The following AGPAT4 variants were observed in gnomAD, a reference collection of about 807,000 sequenced individuals.
The protein encoded by AGPAT4 is 1-acylglycerol-3-phosphate O-acyltransferase 4, also known as 1-acyl-sn-glycerol-3-phosphate acyltransferase delta.
AGPAT4 carries 15 observed loss-of-function variants against 48.0 expected under a neutral mutation model. The observed-to-expected ratio is 0.31, with a 90% CI of 0.21 to 0.48. AGPAT4 has a LOEUF of 0.48. AGPAT4 is among the 20% of genes least tolerant of loss of function. The pLI is 0.99. For missense variants in AGPAT4, 314 were observed against 482.5 expected (o/e 0.65, Z 3.27); for synonymous variants, 178 against 198.7 (o/e 0.90, Z 0.88).
At chr6:161,174,582 T>G (rs1289040873) in intron 2 of AGPAT4, among the ~76,000 whole-genome samples, 4 of 152,216 alleles carry the variant, frequency 2.6e-5, no homozygotes, top group Admixed American at 6.5e-5. Flanking sequence ...TACAATCATG[T>G]CATCTGCAAA....
rs114496438 is a variant in AGPAT4, at chr6:161,139,933, C to T, written c.844-313G>A. 8.1e-3 allele frequency among the ~76,000 whole-genome samples: 1,234 copies of T among 152,346 alleles called. 14 individuals carry two copies. The highest frequency in any genetic ancestry group is 0.028 in the African/African-American group (1,171 of 41,588). ...AGGATCCACCCTCTGTGGGCAGGCACCTGCATCCCTGAGCCCAGGCCCCAG... is the reference window on the plus strand; with the variant it reads ...AGGATCCACCCTCTGTGGGCAGGCATCTGCATCCCTGAGCCCAGGCCCCAG... On this transcript the variant is annotated intron_variant, in intron 7 of 8. Transcript: ENST00000320285. This position sits in a 1 kb window ranked among gnomAD's most constrained non-coding sequence, Gnocchi z 9.1.
chr6:161,148,189 T>C lies in AGPAT4; in HGVS notation c.767+998A>G, dbSNP rs972439495. On this transcript the variant is annotated intron_variant, in intron 6 of 8. Transcript: ENST00000320285. This position sits in a 1 kb window ranked among gnomAD's most constrained non-coding sequence, Gnocchi z 5.5. The stretch of plus-strand genomic sequence containing the variant: ...CCTAGGAGAAGGTCTAAAGGTCTCC[T>C]TCGGGCAGGTGGGTGATTCTCCTGC... Among the ~76,000 whole-genome samples, 3 of 152,216 alleles carry C rather than the reference T, an allele frequency of 2.0e-5. No homozygotes were observed. Among genetic ancestry groups the C allele is most frequent in the South Asian group, 4.1e-4 (2 of 4,826 alleles).
chr6:161,250,108 ACG>A (rs746196849), intron 1 of AGPAT4, among the ~76,000 whole-genome samples: 12,349 of 152,206 alleles, frequency 0.081, 1,658 homozygotes, highest in African/African-American at 0.28. Flanking sequence ...ACCAAACACC[ACG>A]TGTTTTCACT....
chr6:161,206,902 G>A lies in AGPAT4; in HGVS notation c.178+25134C>T, dbSNP rs1781392643. ...AGACACTCAATGGATGAGCTCAGCA[G>A]AAGAGTGAAGGAGGCAGAGGAAAGA... On this transcript the variant is annotated intron_variant, in intron 2 of 8. Coordinates refer to ENST00000320285, the MANE Select transcript of AGPAT4 (RefSeq NM_020133.3). This position sits in a 1 kb window ranked among gnomAD's most constrained non-coding sequence, Gnocchi z 4.8. Among the ~76,000 whole-genome samples the A allele has an allele frequency of 1.3e-5, 2 of 152,218 alleles. 1 individual carries two copies. The highest frequency in any genetic ancestry group is 4.1e-4 in the South Asian group (2 of 4,834).
intron 1 of AGPAT4, among the ~76,000 whole-genome samples, chr6:161,250,159 T>C (rs1582909113): frequency 1.3e-5 from 2 of 152,048 alleles, no homozygotes; most frequent in East Asian, 1.9e-4. Flanking sequence ...CATGGACACA[T>C]TGAGGGGAAC....
At position 161,201,892 on chromosome 6, in the gene AGPAT4, G is replaced by A. The variant is rs1012262724; in HGVS notation, c.178+30144C>T. Among the ~76,000 whole-genome samples, 3 of 152,134 alleles carry A rather than the reference G, an allele frequency of 2.0e-5. No homozygotes were observed. Among genetic ancestry groups the A allele is most frequent in the South Asian group, 2.1e-4 (1 of 4,824 alleles). On this transcript the variant is annotated intron_variant, in intron 2 of 8. Coordinates refer to ENST00000320285, the MANE Select transcript of AGPAT4 (RefSeq NM_020133.3). This position sits in a 1 kb window ranked among gnomAD's most constrained non-coding sequence, Gnocchi z 6.0. The stretch of plus-strand genomic sequence containing the variant: ...TTCTTTTCCCATTTCCAGTGTTCTT[G>A]GATATGCCAATGTTCACATTAGATG...
intron 2 of AGPAT4, among the ~76,000 whole-genome samples, chr6:161,172,735 C>T (rs1780302160): frequency 6.6e-6 from 1 of 152,086 alleles, no homozygotes; most frequent in Admixed American, 6.6e-5. Context: ...TGTTGGTGTG[C>T]TGCACCCATC....
In AGPAT4 at chr6:161,147,298, T is replaced by G. The variant is rs1779459413; in HGVS notation, c.768-699A>C. Among the ~76,000 whole-genome samples, 1 of 152,108 alleles carries G rather than the reference T, an allele frequency of 6.6e-6. No homozygotes were observed. ...TGGCAAGGGCTTGCCACTCGATCAT[T>G]TGCAAAGAGCCCATACTGAACACAG... On this transcript the variant is annotated intron_variant, in intron 6 of 8. Coordinates refer to ENST00000320285, the MANE Select transcript of AGPAT4 (RefSeq NM_020133.3). This position sits in a 1 kb window ranked among gnomAD's most constrained non-coding sequence, Gnocchi z 4.8.
At chr6:161,256,773 A>G (rs1190801902) in intron 1 of AGPAT4, among the ~76,000 whole-genome samples, 2 of 152,230 alleles carry the variant, frequency 1.3e-5, no homozygotes, top group African/African-American at 4.8e-5. Flanking sequence ...GTGGGGAGAT[A>G]AATAATTGAA....
At position 161,200,283 on chromosome 6, in the gene AGPAT4, T is replaced by A. The variant is rs911223312; in HGVS notation, c.178+31753A>T. On this transcript the variant is annotated intron_variant, in intron 2 of 8. Transcript: ENST00000320285. This position sits in a 1 kb window ranked among gnomAD's most constrained non-coding sequence, Gnocchi z 5.5. ...AACATTTACCTATTGATTACTCATG[T>A]AGAAAGCATTCGATAAGTGTTAACT... Among the ~76,000 whole-genome samples, 1 of 152,260 alleles carries A rather than the reference T, an allele frequency of 6.6e-6. No individual in the cohort carries two copies. The highest frequency in any genetic ancestry group is 1.5e-5 in the Non-Finnish European group (1 of 68,040).
intron 1 of AGPAT4, among the ~76,000 whole-genome samples, chr6:161,269,811 G>A (rs561343754): frequency 2.6e-5 from 4 of 152,338 alleles, no homozygotes; most frequent in South Asian, 2.1e-4. Context: ...AATAAATGAA[G>A]GGATTGGGGG....
intron 2 of AGPAT4, among the ~76,000 whole-genome samples, chr6:161,182,394 C>A (rs2114993683): frequency 6.7e-6 from 1 of 149,122 alleles, no homozygotes; most frequent in African/African-American, 2.5e-5. Context: ...GCCCTCACCC[C>A]AGCCCTGCAT....
rs1779918705 is a variant in AGPAT4 at position 161,161,106 on chromosome 6, A to C, written c.348+5142T>G. The C allele has an allele frequency of 2.2e-6, 1 of 456,624 alleles. No individual in the cohort carries two copies. The highest frequency in any genetic ancestry group is 4.4e-6 in the Non-Finnish European group (1 of 226,976). The allele number at this position is 456,624 out of a possible 1,614,324, so 28.3% of individuals were successfully genotyped here. On this transcript the variant is annotated intron_variant, in intron 3 of 8. Coordinates refer to ENST00000320285, the MANE Select transcript of AGPAT4 (RefSeq NM_020133.3). This position sits in a 1 kb window ranked among gnomAD's most constrained non-coding sequence, Gnocchi z 4.6. Reference sequence around the variant, plus strand: ...TGACCGTTTGCTGAGGGCTGCGCACAGAGGAGGAGGAAGCCCCAAGCTTTC... The same window carrying C: ...TGACCGTTTGCTGAGGGCTGCGCACCGAGGAGGAGGAAGCCCCAAGCTTTC...
rs1781437604 is a variant in AGPAT4, at chr6:161,208,456, C to G, written c.178+23580G>C. Among the ~76,000 whole-genome samples, 1 of 147,964 alleles carries G rather than the reference C, an allele frequency of 6.8e-6. No individual in the cohort carries two copies. Among genetic ancestry groups the G allele is most frequent in the Non-Finnish European group, 1.5e-5 (1 of 67,590 alleles). On this transcript the variant is annotated intron_variant, in intron 2 of 8. Coordinates refer to ENST00000320285, the MANE Select transcript of AGPAT4 (RefSeq NM_020133.3). This position sits in a 1 kb window ranked among gnomAD's most constrained non-coding sequence, Gnocchi z 4.6. ...TACAAATGCACGCACACACACCCAC[C>G]CCCAACATCTGCAGGTTTAAGCATT...
rs1781339620 is a variant in AGPAT4 at position 161,204,919 on chromosome 6, G to A, written c.178+27117C>T. 6.6e-6 allele frequency among the ~76,000 whole-genome samples: 1 copy of A among 152,144 alleles called. No individual in the cohort carries two copies. The highest frequency in any genetic ancestry group is 2.1e-4 in the South Asian group (1 of 4,826). ...AAAAGAGTCACCTCCAAATTAGAATGATCAGCAGTTTTTTACAATAAACCG... is the reference window on the plus strand; with the variant it reads ...AAAAGAGTCACCTCCAAATTAGAATAATCAGCAGTTTTTTACAATAAACCG... On this transcript the variant is annotated intron_variant, in intron 2 of 8. Coordinates refer to ENST00000320285, the MANE Select transcript of AGPAT4 (RefSeq NM_020133.3). The surrounding 1 kb of genome is among the most constrained non-coding windows in gnomAD (Gnocchi z 4.4).
chr6:161,207,618 C>T (rs1422478247), intron 2 of AGPAT4, among the ~76,000 whole-genome samples: 3 of 152,038 alleles, frequency 2.0e-5, no homozygotes, highest in East Asian at 3.8e-4. Flanking sequence ...TGGGGACCTG[C>T]GGAGGCGGAG....
In AGPAT4 at chr6:161,240,221, TACACACACACAC is replaced by T. The variant is rs58550351; in HGVS notation, c.-89-7931_-89-7920del. On this transcript the variant is annotated intron_variant, in intron 1 of 8. Transcript: ENST00000320285. This position sits in a 1 kb window ranked among gnomAD's most constrained non-coding sequence, Gnocchi z 5.5. ...CACTAACAGCAGATATCTTTGTGTA[TACACACACACAC>T]ACACACACACACACACACACACACA... 0.047 allele frequency among the ~76,000 whole-genome samples: 6,794 copies of T among 144,346 alleles called. 384 individuals carry two copies. The highest frequency in any genetic ancestry group is 0.13 in the African/African-American group (5,072 of 39,066). 94.7% of individuals were successfully genotyped at this position (144,346 alleles called of 152,430 possible).
rs1393631999 is a variant in AGPAT4, at chr6:161,142,672, A to G, written c.844-3052T>C. On this transcript the variant is annotated intron_variant, in intron 7 of 8. Coordinates refer to ENST00000320285, the MANE Select transcript of AGPAT4 (RefSeq NM_020133.3). This position sits in a 1 kb window ranked among gnomAD's most constrained non-coding sequence, Gnocchi z 6.4. The stretch of plus-strand genomic sequence containing the variant: ...AAGGGAGAAAAGAACGGGAGGAAGA[A>G]CAGGAAAGAACGAAGAATAGAAGAG... Among the ~76,000 whole-genome samples the G allele has an allele frequency of 6.6e-6, 1 of 152,218 alleles. No homozygotes were observed. The highest frequency in any genetic ancestry group is 6.5e-5 in the Admixed American group (1 of 15,292).
Position 161,141,503 on chromosome 6 carries a change from G to A in AGPAT4, c.844-1883C>T, listed in dbSNP as rs9355335. On this transcript the variant is annotated intron_variant, in intron 7 of 8. Transcript: ENST00000320285. This position sits in a 1 kb window ranked among gnomAD's most constrained non-coding sequence, Gnocchi z 6.7. ...GCGGCATTCGCCTGCCCACCAGAAC[G>A]GGGTGATTTTCTTATCCCAGGTTGG... Among the ~76,000 whole-genome samples the A allele has an allele frequency of 0.032, 4,871 of 152,198 alleles. 207 individuals are homozygous for A. Among genetic ancestry groups the A allele is most frequent in the East Asian group, 0.2 (1,053 of 5,156 alleles).
Sources: gnomAD v4.1 joint callset for allele counts (sites outside exome capture counted in the v4.1 genomes callset) on GRCh38, gnomAD v4.1.1 for gene constraint, Gnocchi (gnomAD v3.1) non-coding constraint, MANE v1.5 for transcripts, NCBI Gene and HGNC (gene_info 2026-07-23, HGNC 2026-07-21) for gene names.